Variants in SERPINH1 observed in about 807,000 individuals in gnomAD.
The protein encoded by SERPINH1 is serpin family H member 1.
A neutral mutation model predicts 32.3 loss-of-function variants in SERPINH1; 22 were observed. The ratio of observed to expected loss-of-function variants is 0.68; its 90% CI spans 0.49 to 0.97. The LOEUF (loss-of-function observed/expected upper bound fraction) is 0.97, where lower values mean the gene tolerates loss of function less well. Ranked by LOEUF, SERPINH1 falls within the 50% of genes least tolerant of loss-of-function variation. The pLI, the probability that SERPINH1 is intolerant of heterozygous loss-of-function variation, is 0.00. For synonymous variants in SERPINH1, 251 were observed against 245.9 expected (o/e 1.02, Z -0.19); for missense variants, 543 against 576.4 (o/e 0.94, Z 0.59).
intron 2 of SERPINH1, among the ~76,000 whole-genome samples, chr11:75,567,279 C>T (rs1377206843): frequency 6.6e-6 from 1 of 152,254 alleles, no homozygotes; most frequent in African/African-American, 2.4e-5. Flanking sequence ...ATAATCCATT[C>T]TGCCTCAGTA....
chr11:75,568,432 G>A (rs1028713887), intron 2 of SERPINH1: 2 of 472,994 alleles, frequency 4.2e-6, no homozygotes, highest in Non-Finnish European at 7.8e-6. Context: ...TGCTAGAGCC[G>A]GGGGTGGCCA....
chr11:75,571,130 G>A (rs1157207317), intron 4 of SERPINH1, among the ~76,000 whole-genome samples: 2 of 151,940 alleles, frequency 1.3e-5, no homozygotes, highest in South Asian at 2.1e-4. Flanking sequence ...TTTTACTATC[G>A]AACATTGGAA....
rs1367682527 is a variant in SERPINH1, at chr11:75,566,787, C to T, written c.438C>T (p.Phe146=). 11 of 1,613,140 alleles carry T rather than the reference C, an allele frequency of 6.8e-6. No individual in the cohort carries two copies. The Admixed American group carries it at 1.2e-4, about 17-fold the overall frequency. Residue 146 remains phenylalanine, a synonymous_variant, in exon 2 of 5, where the codon TTC becomes TTT. Transcript: ENST00000358171. ...GPSSVSFADD[F]VRSSKQHYNC... is the part of the protein sequence containing the mutation. ...GCTCAGTGAGCTTCGCTGATGACTTCGTGCGCAGCAGCAAGCAGCACTACA... is the reference window on the plus strand; with the variant it reads ...GCTCAGTGAGCTTCGCTGATGACTTTGTGCGCAGCAGCAAGCAGCACTACA...
chr11:75,568,828 A>T lies in SERPINH1; in HGVS notation c.720A>T (p.Thr240=). Residue 240 remains threonine (T), a splice_region_variant and synonymous_variant, in exon 3 of 5, where the codon ACA becomes ACT. Transcript: ENST00000358171. ...YTVGVMMMHR[T]GLYNYYDDEK... ...TGGGTGTCATGATGATGCACCGGAC[A>T]GGTAGGTGCTGTGAGGAGCAGGGTG... is the stretch of plus-strand genomic sequence containing the variant. 6.2e-7 allele frequency: 1 copy of T among 1,612,746 alleles called. No homozygotes were observed. The highest frequency in any genetic ancestry group is 8.5e-7 in the Non-Finnish European group (1 of 1,178,736).
chr11:75,568,688 G>T (rs1373272524), intron 2 of SERPINH1, 43 bp from the exon 3 acceptor site: 2 of 1,328,986 alleles, frequency 1.5e-6, no homozygotes, highest in Admixed American at 1.7e-5. Context: ...TGTGTTTGGG[G>T]GCGGCCATGT....
rs757716271 is a variant in SERPINH1 at position 75,571,868 on chromosome 11, C to G, written c.1042C>G (p.Leu348Val). The G allele has an allele frequency of 6.2e-7, 1 of 1,614,100 alleles. No individual in the cohort carries two copies. The highest frequency in any genetic ancestry group is 2.2e-5 in the East Asian group (1 of 44,898). Residue 348 changes from leucine (L) to valine (V), a missense_variant, in exon 5 of 5, where the codon CTG becomes GTG. This residue lies in a region of SERPINH1 where 427 missense variants were observed against 446.4 expected (regional missense o/e 0.96). Transcript: ENST00000358171. ...CATGTCAGGCAAGAAGGACCTGTACCTGGCCAGCGTGTTCCACGCCACCGC... is the reference window on the plus strand; with the variant it reads ...CATGTCAGGCAAGAAGGACCTGTACGTGGCCAGCGTGTTCCACGCCACCGC... Reference protein sequence around the residue: ...SRMSGKKDLYLASVFHATAFE... With the variant: ...SRMSGKKDLYVASVFHATAFE...
intron 1 of SERPINH1, among the ~76,000 whole-genome samples, chr11:75,565,442 G>A (rs73505007): frequency 0.027 from 4,082 of 152,248 alleles, 196 homozygotes; most frequent in African/African-American, 0.092. Flanking sequence ...CAGCCCCACC[G>A]AGTCTTCAAA....
chr11:75,567,012 A>T (rs1429837787), intron 2 of SERPINH1, 41 bp downstream of exon 2: 2 of 1,136,132 alleles, frequency 1.8e-6, no homozygotes, highest in Non-Finnish European at 2.6e-6. Flanking sequence ...TCCTCCTCCC[A>T]GGACCCCCTG....
intron 4 of SERPINH1, among the ~76,000 whole-genome samples, chr11:75,570,445 C>T (rs1467907800): frequency 6.6e-6 from 1 of 152,144 alleles, no homozygotes; most frequent in Non-Finnish European, 1.5e-5. Context: ...TGTTGTCCCA[C>T]CCCCTTCTCC....
chr11:75,563,496 T>G (rs184022342), intron 1 of SERPINH1: 1 of 152,328 alleles, frequency 6.6e-6, no homozygotes, highest in Non-Finnish European at 1.5e-5. Context: ...CAGGAGGGGC[T>G]CTGTGCTTCT....
chr11:75,564,927 C>A (rs978124206), intron 1 of SERPINH1, among the ~76,000 whole-genome samples: 2 of 152,224 alleles, frequency 1.3e-5, no homozygotes, highest in Non-Finnish European at 2.9e-5. Context: ...GAGGGTCTTC[C>A]ACCAGGATTT....
chr11:75,565,751 C>T (rs973629030), intron 1 of SERPINH1, among the ~76,000 whole-genome samples: 4 of 152,222 alleles, frequency 2.6e-5, no homozygotes, highest in Non-Finnish European at 1.5e-5. Context: ...GCGGGGCAGC[C>T]CTCCGGCTCT....
Position 75,567,199 on chromosome 11 carries a change from C to T in SERPINH1, c.622+228C>T, listed in dbSNP as rs115945601. Among the ~76,000 whole-genome samples the T allele has an allele frequency of 8.2e-3, 1,252 of 152,308 alleles. 19 individuals are homozygous for T. Among genetic ancestry groups the T allele is most frequent in the African/African-American group, 0.029 (1,218 of 41,558 alleles). On this transcript the variant is annotated intron_variant, in intron 2 of 4. Coordinates refer to ENST00000358171, the MANE Select transcript of SERPINH1 (RefSeq NM_001235.5). ...GGGAGCGGAGGCCCCAGAGGGACTC[C>T]ATGGAATGTATTCCGACCGAATTTC...
chr11:75,565,364 TG>T (rs1236972385), intron 1 of SERPINH1, among the ~76,000 whole-genome samples: 1 of 152,232 alleles, frequency 6.6e-6, no homozygotes, highest in African/African-American at 2.4e-5. Flanking sequence ...ACTGCTCTAT[TG>T]AGCTATGTGT....
At position 75,572,263 on chromosome 11, in the gene SERPINH1, C is replaced by T; in HGVS notation, c.*180C>T. 1.5e-6 allele frequency: 1 copy of T among 671,380 alleles called. No homozygotes were observed. Among genetic ancestry groups the T allele is most frequent in the Non-Finnish European group, 2.7e-6 (1 of 374,176 alleles). 41.6% of individuals were successfully genotyped at this position (671,380 alleles called of 1,614,324 possible). A position where few individuals can be genotyped will look rare whatever the true frequency, so the allele number is the denominator to read the frequency against. On this transcript the variant is annotated 3_prime_UTR_variant, in exon 5 of 5. Coordinates refer to ENST00000358171, the MANE Select transcript of SERPINH1 (RefSeq NM_001235.5). ...ACCTTCCCAGCTAGAATTCACTCCA[C>T]TTGGACATGGGCCCCAGATACCATG...
intron 4 of SERPINH1, 85 bp downstream of exon 4, chr11:75,569,256 C>A: frequency 1.0e-6 from 1 of 985,968 alleles, no homozygotes; most frequent in South Asian, 1.5e-5. Flanking sequence ...TTCAGCAGGT[C>A]TGTCCCAAGA....
intron 4 of SERPINH1, among the ~76,000 whole-genome samples, chr11:75,571,432 G>T (rs1191523272): frequency 6.6e-6 from 1 of 152,204 alleles, no homozygotes; most frequent in African/African-American, 2.4e-5. Context: ...TGATTCAGGG[G>T]GTCTGGGCTG....
chr11:75,570,441 C>T (rs1191464285), intron 4 of SERPINH1, among the ~76,000 whole-genome samples: 1 of 152,146 alleles, frequency 6.6e-6, no homozygotes, highest in Non-Finnish European at 1.5e-5. Flanking sequence ...TGGCTGTTGT[C>T]CCACCCCCTT....
intron 1 of SERPINH1, chr11:75,562,701 G>T (rs1236468110): frequency 6.6e-6 from 1 of 152,470 alleles, no homozygotes. Context: ...GAAGGAGATG[G>T]GTCTGGTGCC....
Sources: allele counts gnomAD v4.1 joint callset (sites outside exome capture counted in the v4.1 genomes callset), GRCh38; gene constraint gnomAD v4.1.1; regional missense constraint gnomAD v4.1.1; transcripts MANE v1.5; gene names NCBI Gene and HGNC (gene_info 2026-07-23, HGNC 2026-07-21).